Variants in DLG2 observed in about 807,000 individuals in gnomAD.
DLG2 encodes the protein disks large homolog 2.
Under a neutral mutation model 132.5 loss-of-function variants are expected in DLG2, and 45 were observed. The observed-to-expected ratio is 0.34, with a 90% CI of 0.27 to 0.44. The LOEUF (loss-of-function observed/expected upper bound fraction) is 0.44. DLG2 is among the 20% of genes least tolerant of loss of function. DLG2 has a pLI of 1.00. For missense variants in DLG2, 1,045 were observed against 1,196.9 expected, an observed-to-expected ratio of 0.87 and a Z score of 1.87; for synonymous variants, 424 against 419.6, an observed-to-expected ratio of 1.01 and a Z score of -0.13.
At chr11:85,441,374 A>G (rs1383899407) in intron 3 of DLG2, among the ~76,000 whole-genome samples, 2 of 152,140 alleles carry the variant, frequency 1.3e-5, no homozygotes, top group Non-Finnish European at 2.9e-5. Flanking sequence ...CCAATCCTTT[A>G]TAATAGGCCT....
chr11:84,993,327 G>C (rs1009766722), intron 6 of DLG2, among the ~76,000 whole-genome samples: 3 of 152,146 alleles, frequency 2.0e-5, no homozygotes, highest in Admixed American at 2.0e-4. Flanking sequence ...CCTTAAAACC[G>C]AGATGACAGG....
At chr11:84,093,706 C>T (rs2154172878) in intron 10 of DLG2, among the ~76,000 whole-genome samples, 1 of 152,156 alleles carries the variant, frequency 6.6e-6, no homozygotes, top group Admixed American at 6.5e-5. Flanking sequence ...CCTCTGCCTC[C>T]CTGGTTCAAG....
intron 6 of DLG2, among the ~76,000 whole-genome samples, chr11:84,578,600 C>T (rs554583603): frequency 7.5e-4 from 114 of 152,280 alleles, no homozygotes; most frequent in Middle Eastern, 3.4e-3. Flanking sequence ...GCTGTATTTA[C>T]CCAATACCTG....
chr11:85,432,584 T>A (rs1597304883), intron 3 of DLG2, among the ~76,000 whole-genome samples: 1 of 150,896 alleles, frequency 6.6e-6, no homozygotes, highest in Non-Finnish European at 1.5e-5. Context: ...AAAAAGAGTA[T>A]CAGAGATGGA....
intron 6 of DLG2, among the ~76,000 whole-genome samples, chr11:85,037,450 T>C (rs2061514775): frequency 6.6e-6 from 1 of 152,162 alleles, no homozygotes. Context: ...TTAAATTTAA[T>C]GGAGTAGACA....
intron 16 of DLG2, among the ~76,000 whole-genome samples, chr11:83,855,349 C>A (rs987967663): frequency 6.6e-6 from 1 of 152,084 alleles, no homozygotes; most frequent in African/African-American, 2.4e-5. Flanking sequence ...CACATGTCCA[C>A]AAAAAAACCT....
chr11:84,595,316 T>G (rs1476226580), intron 6 of DLG2, among the ~76,000 whole-genome samples: 4 of 152,070 alleles, frequency 2.6e-5, no homozygotes, highest in African/African-American at 9.7e-5. Flanking sequence ...TTTTGCTATG[T>G]TGCCCAGGAT....
At chr11:85,611,933 A>G (rs1035662724) in intron 2 of DLG2, among the ~76,000 whole-genome samples, 1 of 152,106 alleles carries the variant, frequency 6.6e-6, no homozygotes, top group African/African-American at 2.4e-5. Context: ...AGAGAGAGAG[A>G]GAGGAAGAGA....
At chr11:84,923,293 T>C in intron 6 of DLG2, 1 of 1,443,636 alleles carries the variant, frequency 6.9e-7, no homozygotes, top group East Asian at 2.5e-5. Flanking sequence ...AGGCACTGAG[T>C]GAGAGCTCAA....
At chr11:85,185,429 A>G (rs2080022626) in intron 4 of DLG2, among the ~76,000 whole-genome samples, 1 of 151,936 alleles carries the variant, frequency 6.6e-6, no homozygotes, top group African/African-American at 2.4e-5. Context: ...ATGCACGCAC[A>G]CTTTTCTTTT....
At chr11:84,310,071 A>G (rs2098271368) in intron 7 of DLG2, among the ~76,000 whole-genome samples, 1 of 152,170 alleles carries the variant, frequency 6.6e-6, no homozygotes, top group Non-Finnish European at 1.5e-5. Flanking sequence ...CCAGAAAATA[A>G]AGTAGGCTAA....
chr11:84,736,746 C>T (rs2063883656), intron 6 of DLG2, among the ~76,000 whole-genome samples: 1 of 151,892 alleles, frequency 6.6e-6, no homozygotes, highest in Admixed American at 6.6e-5. Flanking sequence ...TTTTATTCTG[C>T]AACATTGCTA....
chr11:83,500,014 G>C (rs935365349), intron 21 of DLG2, among the ~76,000 whole-genome samples: 1 of 150,508 alleles, frequency 6.6e-6, no homozygotes, highest in African/African-American at 2.4e-5. Context: ...GGTGAATAAT[G>C]ATCTATTCTT....
chr11:84,397,548 C>G (rs1209890659), intron 7 of DLG2, among the ~76,000 whole-genome samples: 1 of 152,188 alleles, frequency 6.6e-6, no homozygotes, highest in East Asian at 1.9e-4. Context: ...TCCATGCTCT[C>G]TCTCTATTTT....
At chr11:84,938,778 A>G (rs1346625724) in intron 6 of DLG2, among the ~76,000 whole-genome samples, 1 of 152,228 alleles carries the variant, frequency 6.6e-6, no homozygotes, top group African/African-American at 2.4e-5. Context: ...GTGAGTACAC[A>G]GGAAATGAGA....
At chr11:84,952,353 T>TAAAAA (rs2051048210) in intron 6 of DLG2, among the ~76,000 whole-genome samples, 2 of 151,924 alleles carry the variant, frequency 1.3e-5, no homozygotes, top group Admixed American at 1.3e-4. Flanking sequence ...CCGTCTCTAC[T>TAAAAA]AAAAATACAA....
intron 5 of DLG2, among the ~76,000 whole-genome samples, chr11:85,150,723 T>C (rs2077194298): frequency 6.6e-6 from 1 of 151,104 alleles, no homozygotes; most frequent in African/African-American, 2.4e-5. Flanking sequence ...TGTGTGTGTG[T>C]GTGTGTGTGT....
At chr11:83,490,618 A>G (rs1270073067) in intron 21 of DLG2, among the ~76,000 whole-genome samples, 2 of 151,958 alleles carry the variant, frequency 1.3e-5, no homozygotes, top group Non-Finnish European at 2.9e-5. Flanking sequence ...TTTATAGTGG[A>G]GAAATCTGGT....
chr11:84,802,217 T>C (rs1348285603), intron 6 of DLG2, among the ~76,000 whole-genome samples: 1 of 152,066 alleles, frequency 6.6e-6, no homozygotes, highest in Non-Finnish European at 1.5e-5. Context: ...ATAATCTCTC[T>C]GTGTCCATAG....
Sources: gnomAD v4.1 joint callset for allele counts (sites outside exome capture counted in the v4.1 genomes callset) on GRCh38, gnomAD v4.1.1 for gene constraint, MANE v1.5 for transcripts, NCBI Gene and HGNC (gene_info 2026-07-23, HGNC 2026-07-21) for gene names.